Variants in RRAS2 observed in about 807,000 individuals in gnomAD.
RRAS2 encodes the protein RAS related 2.
A neutral mutation model predicts 27.6 loss-of-function variants in RRAS2; 7 were observed. The ratio of observed to expected loss-of-function variants is 0.25; its 90% CI spans 0.14 to 0.48. The LOEUF (loss-of-function observed/expected upper bound fraction) is 0.48, where lower values mean the gene tolerates loss of function less well. Among genes scored for constraint, RRAS2 ranks in the 20% least tolerant of loss-of-function variants. The pLI, the probability that RRAS2 is intolerant of heterozygous loss-of-function variation, is 0.99. For missense variants in RRAS2, 178 were observed against 256.2 expected, an observed-to-expected ratio of 0.69 and a Z score of 2.08; for synonymous variants, 86 against 90.9, an observed-to-expected ratio of 0.95 and a Z score of 0.31.
intron 1 of RRAS2, among the ~76,000 whole-genome samples, chr11:14,298,268 TAC>T (rs2133966901): frequency 6.6e-6 from 1 of 152,328 alleles, no homozygotes; most frequent in South Asian, 2.1e-4. Flanking sequence ...CTAAAAGTGC[TAC>T]ACTGTCCCTA....
chr11:14,347,418 G>A (rs370022711), intron 1 of RRAS2, among the ~76,000 whole-genome samples: 3 of 152,256 alleles, frequency 2.0e-5, no homozygotes, highest in East Asian at 3.9e-4. Context: ...AAAAATGTAC[G>A]AAAGGAGTGG....
At chr11:14,328,311 A>G (rs964710735) in intron 1 of RRAS2, among the ~76,000 whole-genome samples, 23 of 140,980 alleles carry the variant, frequency 1.6e-4, no homozygotes, top group Non-Finnish European at 2.4e-4. Flanking sequence ...GGTTGCAGTG[A>G]GCCAAGATCG....
chr11:14,325,776 A>C (rs904154164), intron 1 of RRAS2, among the ~76,000 whole-genome samples: 1 of 152,366 alleles, frequency 6.6e-6, no homozygotes, highest in Middle Eastern at 3.4e-3. Flanking sequence ...CTGTAAAAAA[A>C]AATTTAACAC....
intron 1 of RRAS2, chr11:14,342,197 C>G (rs1183740508): frequency 5.9e-6 from 1 of 169,394 alleles, no homozygotes; most frequent in Non-Finnish European, 1.3e-5. Context: ...GAGTATCTAT[C>G]ACTCTTTTCA....
chr11:14,299,325 A>C (rs1554947092), intron 1 of RRAS2, among the ~76,000 whole-genome samples: 1 of 152,206 alleles, frequency 6.6e-6, no homozygotes, highest in Admixed American at 6.5e-5. Flanking sequence ...TCAAGACAAA[A>C]GCTGGGGTTC....
rs569448940 is a variant in RRAS2, at chr11:14,330,445, G to A, written c.108+28318C>T. Among the ~76,000 whole-genome samples, 27 of 152,262 alleles carry A rather than the reference G, an allele frequency of 1.8e-4. No homozygotes were observed. In the South Asian group the frequency reaches 3.9e-3, roughly 22 times the overall value. On this transcript the variant is annotated intron_variant, in intron 1 of 5. Transcript: ENST00000256196. The stretch of plus-strand genomic sequence containing the variant: ...GAAGATCCCTTCAACCTGGGAGGTC[G>A]AGGCTGCAGTGAGCCATGATTGTGC...
chr11:14,358,712 AGCCCCCGCCC>A lies in RRAS2; in HGVS notation c.108+41_108+50del. ...CGGCCGCCCCGCCACAGGTAGCGCC[AGCCCCCGCCC>A]GCCGCCGCTCCGGCGCCCCGGGCAG... is the stretch of plus-strand genomic sequence containing the variant. On this transcript the variant is annotated intron_variant, in intron 1 of 5. Transcript: ENST00000256196. This position sits in a 1 kb window ranked among gnomAD's most constrained non-coding sequence, Gnocchi z 5.1. 1 of 1,154,760 alleles carries A rather than the reference AGCCCCCGCCC, an allele frequency of 8.7e-7. No individual in the cohort carries two copies. Among genetic ancestry groups the A allele is most frequent in the Non-Finnish European group, 1.1e-6 (1 of 935,848 alleles). 71.5% of individuals were successfully genotyped at this position (1,154,760 alleles called of 1,614,324 possible).
intron 1 of RRAS2, among the ~76,000 whole-genome samples, chr11:14,330,349 A>T (rs1022511414): frequency 2.0e-5 from 3 of 152,130 alleles, no homozygotes; most frequent in African/African-American, 7.2e-5. Flanking sequence ...CAATCTATAT[A>T]AAAAATTTAA....
Position 14,320,055 on chromosome 11 carries a change from G to A in RRAS2, c.109-24200C>T, listed in dbSNP as rs1848192657. ...TGAGAGAGTATAAAGATGGGTTAAAGGTTTTCTTCCTGCAAAACTCAATTT... is the reference window on the plus strand; with the variant it reads ...TGAGAGAGTATAAAGATGGGTTAAAAGTTTTCTTCCTGCAAAACTCAATTT... On this transcript the variant is annotated intron_variant, in intron 1 of 5. Coordinates refer to ENST00000256196, the MANE Select transcript of RRAS2 (RefSeq NM_012250.6). 2.0e-5 allele frequency among the ~76,000 whole-genome samples: 3 copies of A among 152,142 alleles called. No individual in the cohort carries two copies. In the South Asian group the frequency reaches 6.2e-4, roughly 32 times the overall value.
At chr11:14,343,642 G>A (rs1848765204) in intron 1 of RRAS2, among the ~76,000 whole-genome samples, 3 of 152,114 alleles carry the variant, frequency 2.0e-5, no homozygotes, top group African/African-American at 7.2e-5. Context: ...AACAGCCTGG[G>A]CAGCACGGCG....
chr11:14,351,894 C>CAAAA (rs35089298), intron 1 of RRAS2, among the ~76,000 whole-genome samples: 3 of 113,316 alleles, frequency 2.6e-5, no homozygotes, highest in African/African-American at 6.9e-5. Flanking sequence ...GACTCCGTCT[C>CAAAA]AAAAAAAAAA....
Position 14,297,214 on chromosome 11 carries a change from T to G in RRAS2, c.109-1359A>C, listed in dbSNP as rs531627893. 1.7e-3 allele frequency among the ~76,000 whole-genome samples: 260 copies of G among 152,244 alleles called. 2 individuals carry two copies. Among genetic ancestry groups the G allele is most frequent in the Non-Finnish European group, 1.9e-3 (126 of 68,022 alleles). ...TTTCCCACTGGCTCATTACAAAATC[T>G]GAAGGAATGATTTGGAAGGAGACAG... On this transcript the variant is annotated intron_variant, in intron 1 of 5. Transcript: ENST00000256196.
intron 4 of RRAS2, among the ~76,000 whole-genome samples, chr11:14,291,309 A>G (rs1231221932): frequency 1.3e-5 from 2 of 152,242 alleles, no homozygotes; most frequent in African/African-American, 2.4e-5. Flanking sequence ...CTAAAGGCCC[A>G]TAAAGATTAG....
chr11:14,284,651 T>G (rs970774199), intron 4 of RRAS2, among the ~76,000 whole-genome samples: 2 of 152,208 alleles, frequency 1.3e-5, no homozygotes, highest in African/African-American at 4.8e-5. Context: ...TCTTAACATC[T>G]TGCTTCAAGA....
intron 1 of RRAS2, among the ~76,000 whole-genome samples, chr11:14,311,404 CAGCCCAGG>C (rs1554948832): frequency 6.6e-6 from 1 of 152,080 alleles, no homozygotes; most frequent in African/African-American, 2.4e-5. Context: ...AGAGTCTCTC[CAGCCCAGG>C]CTGGAGTGCA....
intron 1 of RRAS2, among the ~76,000 whole-genome samples, chr11:14,328,737 T>C (rs1366548007): frequency 6.6e-6 from 1 of 151,924 alleles, no homozygotes; most frequent in East Asian, 1.9e-4. Context: ...TGACCTCTGC[T>C]CACCGCAACC....
intron 4 of RRAS2, among the ~76,000 whole-genome samples, chr11:14,284,641 T>C (rs1554944792): frequency 6.6e-6 from 1 of 152,188 alleles, no homozygotes; most frequent in African/African-American, 2.4e-5. Context: ...TCCTTGTAGT[T>C]CTTAACATCT....
intron 1 of RRAS2, among the ~76,000 whole-genome samples, chr11:14,339,292 AAGGG>A (rs1165751572): frequency 6.9e-5 from 6 of 87,558 alleles, no homozygotes; most frequent in African/African-American, 2.3e-4. Flanking sequence ...AAAAAAAAAA[AAGGG>A]GGGGGGGGGA....
rs533573230 is a variant in RRAS2 at position 14,291,774 on chromosome 11, G to C, written c.408+2697C>G. The stretch of plus-strand genomic sequence containing the variant: ...ACAATATGTTGACTGTCTGCAGACA[G>C]ATGGAAACTGCATACCACATTCTGG... On this transcript the variant is annotated intron_variant, in intron 4 of 5. Coordinates refer to ENST00000256196, the MANE Select transcript of RRAS2 (RefSeq NM_012250.6). Among the ~76,000 whole-genome samples the C allele has an allele frequency of 2.0e-5, 3 of 152,172 alleles. No individual in the cohort carries two copies. The South Asian group carries it at 6.2e-4, about 32-fold the overall frequency.
Sources: allele counts gnomAD v4.1 joint callset (sites outside exome capture counted in the v4.1 genomes callset), GRCh38; gene constraint gnomAD v4.1.1; non-coding constraint Gnocchi (gnomAD v3.1); transcripts MANE v1.5; gene names NCBI Gene and HGNC (gene_info 2026-07-23, HGNC 2026-07-21).